Variants in DIP2C observed in about 807,000 individuals in gnomAD.
The protein encoded by DIP2C is DIP2 acetate--CoA ligase C (putative).
In DIP2C, 33 loss-of-function variants were observed where a neutral mutation model predicts 192.4. That is an observed-to-expected ratio of 0.17 (90% CI 0.13 to 0.23). DIP2C has a LOEUF of 0.23. Among genes scored for constraint, DIP2C ranks in the 10% least tolerant of loss-of-function variants. DIP2C has a pLI of 1.00. For missense variants in DIP2C, 1,537 were observed against 2,110.1 expected (o/e 0.73, Z 5.32); for synonymous variants, 979 against 864.1 (o/e 1.13, Z -2.33).
At chr10:395,442 T>C (rs977170500) in intron 10 of DIP2C, among the ~76,000 whole-genome samples, 1 of 152,158 alleles carries the variant, frequency 6.6e-6, no homozygotes, top group Non-Finnish European at 1.5e-5. Flanking sequence ...TAAAATAATA[T>C]TTAAAAAGTA....
chr10:520,676 G>A (rs1370758655), intron 1 of DIP2C, among the ~76,000 whole-genome samples: 1 of 152,190 alleles, frequency 6.6e-6, no homozygotes, highest in Non-Finnish European at 1.5e-5. Context: ...GCCTGCACTG[G>A]CCCAGGATCT....
At chr10:556,035 C>CCT (rs1459115408) in intron 1 of DIP2C, among the ~76,000 whole-genome samples, 1 of 152,062 alleles carries the variant, frequency 6.6e-6, no homozygotes, top group Non-Finnish European at 1.5e-5. Flanking sequence ...CAGCAGACTC[C>CCT]CTCACAGCAC....
At chr10:483,486 G>A (rs1214046295) in intron 2 of DIP2C, among the ~76,000 whole-genome samples, 1 of 152,206 alleles carries the variant, frequency 6.6e-6, no homozygotes, top group African/African-American at 2.4e-5. Flanking sequence ...AGCCTCGCTG[G>A]GGCCCTAGCA....
chr10:582,209 A>G (rs1271324758), intron 1 of DIP2C, among the ~76,000 whole-genome samples: 1 of 152,204 alleles, frequency 6.6e-6, no homozygotes, highest in African/African-American at 2.4e-5. Flanking sequence ...TCTGCAGCCC[A>G]GGGCTAAGCC....
chr10:565,811 C>T (rs992362329), intron 1 of DIP2C, among the ~76,000 whole-genome samples: 1 of 152,248 alleles, frequency 6.6e-6, no homozygotes, highest in Non-Finnish European at 1.5e-5. Context: ...CTCAGGCTGG[C>T]GCCCTTCTCC....
intron 23 of DIP2C, 54 bp downstream of exon 23, chr10:357,774 G>A (rs1959160595): frequency 2.2e-6 from 3 of 1,390,474 alleles, no homozygotes; most frequent in African/African-American, 2.8e-5. Flanking sequence ...AGATGGTCGG[G>A]GACAGTCGGA....
At chr10:377,141 G>GTT (rs5782549) in intron 17 of DIP2C, among the ~76,000 whole-genome samples, 2,363 of 138,550 alleles carry the variant, frequency 0.017, 54 homozygotes, top group African/African-American at 0.05. Flanking sequence ...GTGCAGCGCA[G>GTT]TTTTTTTTTT....
intron 1 of DIP2C, among the ~76,000 whole-genome samples, chr10:548,211 C>CCCT (rs927731668): frequency 1.8e-5 from 2 of 108,326 alleles, no homozygotes; most frequent in African/African-American, 6.5e-5. Context: ...CTGCCCCACC[C>CCCT]CCCCCCCCAC....
chr10:352,967 T>C (rs1958895347), intron 24 of DIP2C, among the ~76,000 whole-genome samples: 1 of 152,138 alleles, frequency 6.6e-6, no homozygotes, highest in African/African-American at 2.4e-5. Flanking sequence ...ATGTGATGCA[T>C]TCTCGGCGAG....
intron 24 of DIP2C, among the ~76,000 whole-genome samples, chr10:351,004 C>T (rs535499511): frequency 4.6e-5 from 7 of 151,344 alleles, no homozygotes; most frequent in African/African-American, 1.2e-4. Context: ...AGGGATGGAG[C>T]GCGCGGCGGG....
chr10:627,331 G>A (rs1468858624), intron 1 of DIP2C, among the ~76,000 whole-genome samples: 2 of 152,224 alleles, frequency 1.3e-5, no homozygotes, highest in Admixed American at 6.5e-5. Flanking sequence ...CCCCCCATCA[G>A]CATCCCAGCA....
At chr10:299,734 A>ACAGATATTAG (rs1461688830) in intron 32 of DIP2C, among the ~76,000 whole-genome samples, 1 of 152,244 alleles carries the variant, frequency 6.6e-6, no homozygotes, top group Non-Finnish European at 1.5e-5. Flanking sequence ...AGATTTGCAA[A>ACAGATATTAG]TCACATATCT....
intron 8 of DIP2C, among the ~76,000 whole-genome samples, chr10:410,954 T>C (rs889093140): frequency 6.6e-6 from 1 of 152,218 alleles, no homozygotes; most frequent in African/African-American, 2.4e-5. Context: ...TAGATATTAA[T>C]TGTAATTTCG....
intron 1 of DIP2C, among the ~76,000 whole-genome samples, chr10:488,560 C>T (rs1404603362): frequency 6.6e-6 from 1 of 152,198 alleles, no homozygotes; most frequent in Admixed American, 6.5e-5. Flanking sequence ...TGCCCAGAGG[C>T]CGCAGCCCTG....
intron 25 of DIP2C, 105 bp from the exon 26 acceptor site, chr10:348,867 G>T: frequency 6.7e-7 from 1 of 1,500,548 alleles, no homozygotes; most frequent in South Asian, 1.2e-5. Context: ...ACAGGGAAAC[G>T]AGCAGCTGAG....
intron 4 of DIP2C, among the ~76,000 whole-genome samples, chr10:431,816 C>A (rs908923459): frequency 6.6e-6 from 1 of 152,142 alleles, no homozygotes; most frequent in African/African-American, 2.4e-5. Context: ...TTTTCCTGAT[C>A]CCCTTTCCGG....
At chr10:600,180 T>C (rs1015783820) in intron 1 of DIP2C, among the ~76,000 whole-genome samples, 1 of 152,036 alleles carries the variant, frequency 6.6e-6, no homozygotes, top group Admixed American at 6.5e-5. Flanking sequence ...AGGGAAGACA[T>C]TTGGTTACGA....
chr10:296,430 A>G (rs1299789583), intron 32 of DIP2C, among the ~76,000 whole-genome samples: 2 of 152,080 alleles, frequency 1.3e-5, no homozygotes, highest in African/African-American at 2.4e-5. Flanking sequence ...ACACTTTTAC[A>G]CTGTTGGTGG....
At chr10:637,546 T>C (rs1428729345) in intron 1 of DIP2C, among the ~76,000 whole-genome samples, 1 of 152,180 alleles carries the variant, frequency 6.6e-6, no homozygotes, top group African/African-American at 2.4e-5. Context: ...CTCTCTGTAG[T>C]CCCTTTTATG....
Sources: allele counts gnomAD v4.1 joint callset (sites outside exome capture counted in the v4.1 genomes callset), GRCh38; gene constraint gnomAD v4.1.1; transcripts MANE v1.5; gene names NCBI Gene and HGNC (gene_info 2026-07-23, HGNC 2026-07-21).